Variants in TRPV3 observed in about 807,000 individuals in gnomAD.
The protein encoded by TRPV3 is VRL-3.
A neutral mutation model predicts 87.1 loss-of-function variants in TRPV3; 88 were observed. The ratio of observed to expected loss-of-function variants is 1.01; its 90% confidence interval spans 0.85 to 1.21. The LOEUF (loss-of-function observed/expected upper bound fraction) is 1.21. Ranked by LOEUF, TRPV3 falls within the 50% of genes most tolerant of loss-of-function variation. The pLI is 0.00. For missense variants in TRPV3, 1,054 were observed against 1,030.1 expected, an observed-to-expected ratio of 1.02 and a Z score of -0.32; for synonymous variants, 438 against 423.3, an observed-to-expected ratio of 1.03 and a Z score of -0.43.
chr17:3,529,060 G>C (rs1204220676), intron 9 of TRPV3, 65 bp from the exon 10 acceptor site: 43 of 1,583,048 alleles, frequency 2.7e-5, no homozygotes, highest in Non-Finnish European at 3.6e-5. Context: ...GTTTTCTAAA[G>C]GCCTGCGGGA....
At chr17:3,517,061 C>T (rs1297952833) in intron 15 of TRPV3, among the ~76,000 whole-genome samples, 1 of 152,180 alleles carries the variant, frequency 6.6e-6, no homozygotes, top group Non-Finnish European at 1.5e-5. Flanking sequence ...AGGAGAATCA[C>T]TTGAACCTGG....
intron 12 of TRPV3, among the ~76,000 whole-genome samples, chr17:3,524,808 C>CAAAAAAA (rs56919647): frequency 1.2e-5 from 1 of 81,848 alleles, no homozygotes; most frequent in African/African-American, 4.4e-5. Context: ...CTTGTCTCTA[C>CAAAAAAA]AAAAAAAAAA....
At position 3,544,592 on chromosome 17, in the gene TRPV3, G is replaced by A; in HGVS notation, c.298C>T (p.Pro100Ser). The A allele has an allele frequency of 6.2e-7, 1 of 1,605,484 alleles. No individual in the cohort carries two copies. Among genetic ancestry groups the A allele is most frequent in the Non-Finnish European group, 8.5e-7 (1 of 1,177,644 alleles). Residue 100 changes from proline to serine, a missense_variant, in exon 4 of 18, where the codon CCC becomes TCC. Transcript: ENST00000576742. ...QDDVTETPSNPNSPSAQLAKE... is the reference protein window; with the variant it reads ...QDDVTETPSNSNSPSAQLAKE... ...GGGCAGACTTACCTGGGGCTGTTGG[G>A]ATTGGATGGGGTCTCTGTCACATCA... is the stretch of plus-strand genomic sequence containing the variant.
intron 13 of TRPV3, 143 bp from the exon 14 acceptor site, chr17:3,521,182 T>C: frequency 2.3e-6 from 1 of 435,418 alleles, no homozygotes; most frequent in Non-Finnish European, 4.2e-6. Context: ...AGCCAAATCC[T>C]CCTGATGCTC....
intron 2 of TRPV3, among the ~76,000 whole-genome samples, chr17:3,545,824 C>CAAA (rs35206458): frequency 0.028 from 3,499 of 124,462 alleles, 142 homozygotes; most frequent in African/African-American, 0.1. Context: ...ACTTAAAATG[C>CAAA]AAAAAAAAAA....
intron 12 of TRPV3, among the ~76,000 whole-genome samples, chr17:3,525,379 T>A (rs1360953545): frequency 1.3e-5 from 2 of 152,142 alleles, no homozygotes; most frequent in East Asian, 3.9e-4. Flanking sequence ...CTCCACTATA[T>A]GACTGTACCT....
At chr17:3,537,180 C>A (rs2074415700) in intron 6 of TRPV3, among the ~76,000 whole-genome samples, 1 of 151,728 alleles carries the variant, frequency 6.6e-6, no homozygotes, top group Admixed American at 6.6e-5. Flanking sequence ...GGCTGGAGTG[C>A]AGTGGCGTGA....
intron 1 of TRPV3, among the ~76,000 whole-genome samples, chr17:3,555,420 G>A (rs1453700346): frequency 6.6e-6 from 1 of 152,154 alleles, no homozygotes; most frequent in African/African-American, 2.4e-5. Flanking sequence ...CAGGTGTTTT[G>A]GATTCCTCAG....
chr17:3,543,250 C>T (rs1005907059), intron 5 of TRPV3, among the ~76,000 whole-genome samples: 2 of 152,090 alleles, frequency 1.3e-5, no homozygotes, highest in Non-Finnish European at 2.9e-5. Context: ...GTGGCCTTCT[C>T]CAGCTTCACC....
rs966388624 is a variant in TRPV3, at chr17:3,535,712, C to T, written c.645G>A (p.Gly215=). ...CGATGGCGATGTTCAGCGCCGTCTGCCCTGCGGAGCGGGCGGGGACGCGCG... is the reference window on the plus strand; with the variant it reads ...CGATGGCGATGTTCAGCGCCGTCTGTCCTGCGGAGCGGGCGGGGACGCGCG... The part of the protein sequence containing the change: ...NAEYTEEAYE[G]QTALNIAIER... The change falls in exon 7 of 18, where the codon GGG becomes GGA. Residue 215 remains glycine (G), a splice_region_variant and synonymous_variant. Transcript: ENST00000576742. The T allele has an allele frequency of 9.9e-6, 15 of 1,517,526 alleles. No individual in the cohort carries two copies. Among genetic ancestry groups the T allele is most frequent in the Non-Finnish European group, 1.1e-5 (13 of 1,135,508 alleles). The allele number at this position is 1,517,526 out of a possible 1,614,324, so 94.0% of individuals were successfully genotyped here.
In TRPV3 at chr17:3,518,507, T is replaced by C. The variant is rs932211037; in HGVS notation, c.2085+69A>G. Reference sequence around the variant, plus strand: ...ACCTCAGACCCACTGGTGCTGACAGTAGTCAATGACCACGTGCTGAACTGA... The same window carrying C: ...ACCTCAGACCCACTGGTGCTGACAGCAGTCAATGACCACGTGCTGAACTGA... On this transcript the variant is annotated intron_variant, in intron 15 of 17. Coordinates refer to ENST00000576742, the MANE Select transcript of TRPV3 (RefSeq NM_145068.4). This position sits in a 1 kb window ranked among gnomAD's most constrained non-coding sequence, Gnocchi z 4.3. The C allele has an allele frequency of 1.4e-6, 2 of 1,481,258 alleles. No homozygotes were observed. Among genetic ancestry groups the C allele is most frequent in the Admixed American group, 2.2e-5 (1 of 44,678 alleles). The allele number at this position is 1,481,258 out of a possible 1,614,324, so 91.8% of individuals were successfully genotyped here.
chr17:3,552,241 T>G (rs1330574588), intron 2 of TRPV3: 1 of 151,270 alleles, frequency 6.6e-6, no homozygotes, highest in East Asian at 2.0e-4. Flanking sequence ...TCGCCCAGGC[T>G]GGAGTGCAGT....
chr17:3,544,600 G>A lies in TRPV3; in HGVS notation c.290C>T (p.Pro97Leu), dbSNP rs1401900526. 3 of 1,606,876 alleles carry A rather than the reference G, an allele frequency of 1.9e-6. No individual in the cohort carries two copies. The highest frequency in any genetic ancestry group is 1.7e-6 in the Non-Finnish European group (2 of 1,178,072). ...TTACCTGGGGCTGTTGGGATTGGAT[G>A]GGGTCTCTGTCACATCATCCTGAGG... Reference protein sequence around the residue: ...QSPQDDVTETPSNPNSPSAQL... With the variant: ...QSPQDDVTETLSNPNSPSAQL... Residue 97 changes from proline to leucine, a missense_variant, in exon 4 of 18, where the codon CCA becomes CTA. Pro to Leu is a moderately conservative substitution (Grantham distance 98). Transcript: ENST00000576742.
Position 3,516,528 on chromosome 17 carries a change from T to A in TRPV3, c.2127A>T (p.Glu709Asp), listed in dbSNP as rs749435514. 3 of 1,614,118 alleles carry A rather than the reference T, an allele frequency of 1.9e-6. No homozygotes were observed. The highest frequency in any genetic ancestry group is 2.5e-6 in the Non-Finnish European group (3 of 1,180,008). The change falls in exon 16 of 18, where the codon GAA becomes GAT. Residue 709 changes from glutamate (E) to aspartate (D), a missense_variant. Glu to Asp is a conservative substitution (Grantham distance 45). Coordinates refer to ENST00000576742, the MANE Select transcript of TRPV3 (RefSeq NM_145068.4). ...TILEFEKMLP[E>D]WLRSRFRMGE... ...CCATCCGGAATCTGCTCCTCAGCCA[T>A]TCTGGTAACATTTTCTCAAACTCCA...
rs2074154341 is a variant in TRPV3, at chr17:3,514,381, C to T, written c.2278+212G>A. 4 of 583,346 alleles carry T rather than the reference C, an allele frequency of 6.9e-6. No homozygotes were observed. The South Asian group carries it at 8.3e-5, about 12-fold the overall frequency. The allele number at this position is 583,346 out of a possible 1,614,324, so 36.1% of individuals were successfully genotyped here. On this transcript the variant is annotated intron_variant, in intron 17 of 17. Coordinates refer to ENST00000576742, the MANE Select transcript of TRPV3 (RefSeq NM_145068.4). ...GGCACGAGCCACCGCGCCCGGCCTG[C>T]ATGATGTGTTTCTATGGCTTAGGGC...
chr17:3,516,961 C>T (rs1428698448), intron 15 of TRPV3, among the ~76,000 whole-genome samples: 3 of 151,870 alleles, frequency 2.0e-5, no homozygotes, highest in African/African-American at 7.3e-5. Context: ...GCCTGGCCAA[C>T]ATGGCAAAAG....
chr17:3,545,232 G>A lies in TRPV3; in HGVS notation c.159C>T (p.Asn53=), dbSNP rs778467607. ...FFLEIEGFEP[N]PTVAKTSPPV... ...GAGGAGAGGTCTTGGCAACTGTGGG[G>A]TTGGGTTCAAACCCTTCTATCTCCA... The change falls in exon 3 of 18, where the codon AAC becomes AAT. Residue 53 remains asparagine (N), a synonymous_variant. Transcript: ENST00000576742. 4 of 1,614,036 alleles carry A rather than the reference G, an allele frequency of 2.5e-6. No homozygotes were observed. The highest frequency in any genetic ancestry group is 1.7e-6 in the Non-Finnish European group (2 of 1,179,936).
chr17:3,521,376 G>C (rs150913459), intron 13 of TRPV3, among the ~76,000 whole-genome samples: 3 of 152,188 alleles, frequency 2.0e-5, no homozygotes, highest in Non-Finnish European at 2.9e-5. Flanking sequence ...AGAGCTGATC[G>C]TTAAATTCTC....
intron 15 of TRPV3, among the ~76,000 whole-genome samples, chr17:3,516,779 T>TG (rs2074187361): frequency 6.6e-6 from 1 of 151,174 alleles, no homozygotes; most frequent in Non-Finnish European, 1.5e-5. Flanking sequence ...GAGGCCAAGG[T>TG]GCGTGGATCA....
Sources: gnomAD v4.1 joint callset for allele counts (sites outside exome capture counted in the v4.1 genomes callset) on GRCh38, gnomAD v4.1.1 for gene constraint, Gnocchi (gnomAD v3.1) non-coding constraint, MANE v1.5 for transcripts, NCBI Gene and HGNC (gene_info 2026-07-23, HGNC 2026-07-21) for gene names.